Variants in PSD2 observed in about 807,000 individuals in gnomAD.
The protein encoded by PSD2 is pleckstrin and Sec7 domain containing 2.
In PSD2, 38 loss-of-function variants were observed where a neutral mutation model predicts 69.8. The ratio of observed to expected loss-of-function variants is 0.54; its 90% CI spans 0.42 to 0.71. The LOEUF is 0.71. Ranked by LOEUF, PSD2 falls within the 30% of genes least tolerant of loss-of-function variation. PSD2 has a pLI of 0.00. For synonymous variants in PSD2, 412 were observed against 423.0 expected, an observed-to-expected ratio of 0.97 and a Z score of 0.32; for missense variants, 943 against 1,014.5, an observed-to-expected ratio of 0.93 and a Z score of 0.96.
At chr5:139,833,649 G>A (rs1412821705) in intron 7 of PSD2, 53 bp from the exon 8 acceptor site, 9 of 1,319,336 alleles carry the variant, frequency 6.8e-6, no homozygotes, top group Non-Finnish European at 9.9e-6. Context: ...GGTGTGTGGG[G>A]AACACACCAG....
the PSD2 span, among the ~76,000 whole-genome samples, chr5:139,744,619 A>G: frequency 2.6e-5 from 4 of 152,078 alleles, no homozygotes; most frequent in East Asian, 5.8e-4. Flanking sequence ...GGTGGGGGGA[A>G]GGCTCTCACA....
At chr5:139,757,723 T>C in the PSD2 span, among the ~76,000 whole-genome samples, 1 of 152,208 alleles carries the variant, frequency 6.6e-6, no homozygotes, top group Non-Finnish European at 1.5e-5. Flanking sequence ...TGTTCTTAAC[T>C]AAAAGCAGGC....
In PSD2 at chr5:139,814,445, T is replaced by G. The variant is rs1168216326; in HGVS notation, c.1016+81T>G. On this transcript the variant is annotated intron_variant, in intron 4 of 14. Transcript: ENST00000274710. This position sits in a 1 kb window ranked among gnomAD's most constrained non-coding sequence, Gnocchi z 4.4. Reference sequence around the variant, plus strand: ...CTGAAGAGGGTGTGGGTGACCTTCTTCAGGGGTGCCAGGTGCTGGGGGGGC... The same window carrying G: ...CTGAAGAGGGTGTGGGTGACCTTCTGCAGGGGTGCCAGGTGCTGGGGGGGC... The G allele has an allele frequency of 1.5e-6, 2 of 1,339,824 alleles. No individual in the cohort carries two copies. The highest frequency in any genetic ancestry group is 1.5e-5 in the African/African-American group (1 of 66,244). The allele number at this position is 1,339,824 out of a possible 1,614,324, so 83.0% of individuals were successfully genotyped here. A position where few individuals can be genotyped will look rare whatever the true frequency, so the allele number is the denominator to read the frequency against.
chr5:139,771,130 T>C, the PSD2 span, among the ~76,000 whole-genome samples: 1 of 152,250 alleles, frequency 6.6e-6, no homozygotes, highest in Admixed American at 6.5e-5. Context: ...TTTTAGCGCC[T>C]TTATTATTAG....
chr5:139,810,701 G>C (rs1759935300), intron 2 of PSD2, among the ~76,000 whole-genome samples: 1 of 152,206 alleles, frequency 6.6e-6, no homozygotes, highest in African/African-American at 2.4e-5. Context: ...ATGGGCAGGA[G>C]TATGTGAGTA....
the PSD2 span, among the ~76,000 whole-genome samples, chr5:139,750,064 G>A: frequency 2.0e-5 from 3 of 151,164 alleles, no homozygotes; most frequent in Non-Finnish European, 4.4e-5. Flanking sequence ...GGTGGCTCAT[G>A]CCTGTAATCC....
At chr5:139,784,222 G>A in the PSD2 span, among the ~76,000 whole-genome samples, 198 of 152,064 alleles carry the variant, frequency 1.3e-3, no homozygotes, top group African/African-American at 4.4e-3. Context: ...TTACAGGTGT[G>A]AGCCATTGCG....
At chr5:139,809,061 C>A (rs192251303) in intron 1 of PSD2, among the ~76,000 whole-genome samples, 3 of 152,300 alleles carry the variant, frequency 2.0e-5, no homozygotes, top group African/African-American at 7.2e-5. Flanking sequence ...CCTACTGGAC[C>A]CTTCTCCACT....
At chr5:139,768,992 A>G in the PSD2 span, among the ~76,000 whole-genome samples, 1 of 152,174 alleles carries the variant, frequency 6.6e-6, no homozygotes, top group African/African-American at 2.4e-5. Context: ...ATTGCCCTGA[A>G]CAGGAGCCAG....
the PSD2 span, among the ~76,000 whole-genome samples, chr5:139,771,368 C>CTTTCTTTTCT: frequency 1.3e-4 from 20 of 151,878 alleles, no homozygotes; most frequent in Middle Eastern, 3.4e-3. Context: ...AGCAGGCCTG[C>CTTTCTTTTCT]TTTCTTTTCT....
chr5:139,790,456 T>C, the PSD2 span, among the ~76,000 whole-genome samples: 2 of 150,010 alleles, frequency 1.3e-5, no homozygotes, highest in Non-Finnish European at 3.0e-5. Flanking sequence ...AAGAGTGAGA[T>C]GGAGAAGACC....
At chr5:139,765,603 C>T in the PSD2 span, among the ~76,000 whole-genome samples, 1 of 152,252 alleles carries the variant, frequency 6.6e-6, no homozygotes. Context: ...GCCCAAGCTC[C>T]GCCGGGCCGC....
In PSD2 at chr5:139,813,429, G is replaced by A; in HGVS notation, c.492G>A (p.Leu164=). 6.2e-7 allele frequency: 1 copy of A among 1,614,048 alleles called. No homozygotes were observed. Among genetic ancestry groups the A allele is most frequent in the Non-Finnish European group, 8.5e-7 (1 of 1,179,882 alleles). Residue 164 remains leucine (L), a synonymous_variant, in exon 3 of 15, where the codon CTG becomes CTA. Coordinates refer to ENST00000274710, the MANE Select transcript of PSD2 (RefSeq NM_032289.4). ...GCAGCCTCGACTCCCTAGACGGGCT[G>A]AGCCTCACGGATGAGAGCGACAGCT... ...QYSSLDSLDG[L]SLTDESDSCV... is the part of the protein sequence containing the mutation.
At chr5:139,766,941 C>T in the PSD2 span, among the ~76,000 whole-genome samples, 2 of 99,990 alleles carry the variant, frequency 2.0e-5, no homozygotes, top group Admixed American at 2.0e-4. Context: ...TTCTTTCTTT[C>T]TTTCTTTCTT....
intron 2 of PSD2, 98 bp downstream of exon 2, chr5:139,809,909 C>A: frequency 7.5e-7 from 1 of 1,335,330 alleles, no homozygotes; most frequent in Non-Finnish European, 1.0e-6. Context: ...TCTTGTTTTT[C>A]TCACACATAA....
chr5:139,781,039 C>T, the PSD2 span, among the ~76,000 whole-genome samples: 6 of 152,196 alleles, frequency 3.9e-5, no homozygotes, highest in Admixed American at 3.9e-4. Flanking sequence ...TCTGTTGCCT[C>T]TTTTCAGCTT....
At chr5:139,840,243 A>G in intron 14 of PSD2, 73 bp downstream of exon 14, 2 of 1,543,124 alleles carry the variant, frequency 1.3e-6, no homozygotes, top group South Asian at 2.3e-5. Flanking sequence ...CTGATGTGGG[A>G]CTGGGGAGGT....
rs1760929871 is a variant in PSD2, at chr5:139,843,581, A to G, written c.*1107A>G. 2.0e-5 allele frequency: 3 copies of G among 152,268 alleles called. No individual in the cohort carries two copies. Among genetic ancestry groups the G allele is most frequent in the Admixed American group, 1.3e-4 (2 of 15,290 alleles). 9.4% of individuals were successfully genotyped at this position (152,268 alleles called of 1,614,324 possible). A position where few individuals can be genotyped will look rare whatever the true frequency, so the allele number is the denominator to read the frequency against. ...TGGCTGCTTGTCAACAAGCCCAAAG[A>G]TGCTTGTCGGAGGACGGTTATGGAA... On this transcript the variant is annotated 3_prime_UTR_variant, in exon 15 of 15. Coordinates refer to ENST00000274710, the MANE Select transcript of PSD2 (RefSeq NM_032289.4).
intron 7 of PSD2, 45 bp downstream of exon 7, chr5:139,822,829 A>T (rs774943947): frequency 2.4e-5 from 37 of 1,553,680 alleles, no homozygotes; most frequent in Non-Finnish European, 3.2e-5. Flanking sequence ...CCTCTCAGGG[A>T]CCCACCTTGT....
Sources: gnomAD v4.1 joint callset for allele counts (sites outside exome capture counted in the v4.1 genomes callset) on GRCh38, gnomAD v4.1.1 for gene constraint, Gnocchi (gnomAD v3.1) non-coding constraint, MANE v1.5 for transcripts, NCBI Gene and HGNC (gene_info 2026-07-23, HGNC 2026-07-21) for gene names.